GRID1: variants seen among roughly 807,000 people sequenced by gnomAD.
GRID1 encodes the protein glutamate receptor ionotropic, delta-1.
A neutral mutation model predicts 98.0 loss-of-function variants in GRID1; 28 were observed. The ratio of observed to expected loss-of-function variants is 0.29; its 90% CI spans 0.21 to 0.39. GRID1 has a LOEUF of 0.39. Ranked by LOEUF, GRID1 falls within the 10% of genes least tolerant of loss-of-function variation. The pLI is 1.00. For synonymous variants in GRID1, 553 were observed against 538.5 expected, an observed-to-expected ratio of 1.03 and a Z score of -0.37; for missense variants, 1,111 against 1,340.5, an observed-to-expected ratio of 0.83 and a Z score of 2.67.
intron 8 of GRID1, among the ~76,000 whole-genome samples, chr10:85,734,280 C>T (rs1841855852): frequency 6.6e-6 from 1 of 152,026 alleles, no homozygotes; most frequent in Non-Finnish European, 1.5e-5. Flanking sequence ...AGCTGAGGCC[C>T]AGATCCATGA....
intron 8 of GRID1, among the ~76,000 whole-genome samples, chr10:85,775,316 G>A (rs1415313492): frequency 1.3e-5 from 2 of 148,682 alleles, no homozygotes; most frequent in Non-Finnish European, 3.0e-5. Flanking sequence ...TCACACTGTG[G>A]GGACTGTTGT....
At chr10:85,664,555 AGCCAAAATT>A (rs1415897330) in intron 12 of GRID1, among the ~76,000 whole-genome samples, 1 of 152,208 alleles carries the variant, frequency 6.6e-6, no homozygotes, top group African/African-American at 2.4e-5. Context: ...TCAACGTACC[AGCCAAAATT>A]AGCTGTGCTT....
At chr10:85,958,996 A>T (rs986841585) in intron 4 of GRID1, among the ~76,000 whole-genome samples, 4 of 151,868 alleles carry the variant, frequency 2.6e-5, no homozygotes, top group African/African-American at 7.3e-5. Context: ...AAAGAAAAAG[A>T]AAAAGAAGCT....
intron 2 of GRID1, among the ~76,000 whole-genome samples, chr10:86,225,964 C>A (rs574727752): frequency 2.0e-5 from 3 of 152,236 alleles, no homozygotes; most frequent in African/African-American, 7.2e-5. Flanking sequence ...CTGGGGGCCT[C>A]ATGGGGACCC....
intron 2 of GRID1, among the ~76,000 whole-genome samples, chr10:86,226,344 C>A (rs1481264296): frequency 1.6e-5 from 2 of 128,080 alleles, no homozygotes; most frequent in Non-Finnish European, 3.3e-5. Flanking sequence ...AGCATACCCT[C>A]CCACCCCAGC....
rs777172734 is a variant in GRID1 at position 85,724,697 on chromosome 10, A to G, written c.1534-21T>C. 4 of 1,590,064 alleles carry G rather than the reference A, an allele frequency of 2.5e-6. No homozygotes were observed. The East Asian group carries it at 6.7e-5, about 27-fold the overall frequency. On this transcript the variant is annotated intron_variant, in intron 10 of 15. Coordinates refer to ENST00000327946, the MANE Select transcript of GRID1 (RefSeq NM_017551.3). ...GCTCTCTGAAAGGCAAAGCCATCTC[A>G]TTTAGACGGCAGTCCTCAGCTTACT...
At chr10:86,060,534 G>A (rs1843634494) in intron 4 of GRID1, among the ~76,000 whole-genome samples, 3 of 152,152 alleles carry the variant, frequency 2.0e-5, no homozygotes, top group South Asian at 2.1e-4. Context: ...GCAGCTCAGG[G>A]GCACAGGCAC....
chr10:85,639,387 AG>A (rs1192954883), intron 13 of GRID1, among the ~76,000 whole-genome samples: 7 of 152,240 alleles, frequency 4.6e-5, no homozygotes, highest in Non-Finnish European at 1.0e-4. Flanking sequence ...GTGTGGTGCT[AG>A]AAATCTGCAA....
intron 2 of GRID1, among the ~76,000 whole-genome samples, chr10:86,236,654 G>A (rs1290995885): frequency 1.3e-5 from 2 of 152,154 alleles, no homozygotes; most frequent in African/African-American, 4.8e-5. Context: ...ACACAGCAAA[G>A]TGCAATATCA....
intron 4 of GRID1, among the ~76,000 whole-genome samples, chr10:86,086,682 G>A (rs747777554): frequency 2.6e-5 from 4 of 152,158 alleles, no homozygotes; most frequent in Admixed American, 6.5e-5. Flanking sequence ...GTGTCCATGT[G>A]TGTGCATGGG....
At position 86,247,225 on chromosome 10, in the gene GRID1, A is replaced by G. The variant is rs144306945; in HGVS notation, c.236-40577T>C. Among the ~76,000 whole-genome samples, 339 of 150,846 alleles carry G rather than the reference A, an allele frequency of 2.2e-3. 2 individuals are homozygous for G. Among genetic ancestry groups the G allele is most frequent in the African/African-American group, 7.8e-3 (318 of 40,728 alleles). ...GGTAGATGAATAGATGGGTAAGTAG[A>G]TGGAAGGACAGAGGGATGGACAGAT... is the stretch of plus-strand genomic sequence containing the variant. On this transcript the variant is annotated intron_variant, in intron 2 of 15. Coordinates refer to ENST00000327946, the MANE Select transcript of GRID1 (RefSeq NM_017551.3).
At chr10:86,265,951 C>G (rs909497525) in intron 2 of GRID1, among the ~76,000 whole-genome samples, 2 of 152,134 alleles carry the variant, frequency 1.3e-5, no homozygotes, top group African/African-American at 4.8e-5. Flanking sequence ...CCCCTTGCCA[C>G]CCATGCCCAC....
At chr10:86,335,442 T>C (rs1848208933) in intron 2 of GRID1, among the ~76,000 whole-genome samples, 1 of 152,250 alleles carries the variant, frequency 6.6e-6, no homozygotes, top group African/African-American at 2.4e-5. Context: ...GCAGGACTTC[T>C]CAGAGCCTTA....
chr10:85,857,339 A>T (rs2131782794), intron 6 of GRID1, among the ~76,000 whole-genome samples: 1 of 152,266 alleles, frequency 6.6e-6, no homozygotes, highest in Non-Finnish European at 1.5e-5. Flanking sequence ...GGCCCAACCC[A>T]TGTGTGGGGT....
intron 4 of GRID1, among the ~76,000 whole-genome samples, chr10:86,034,568 A>C (rs994842916): frequency 1.3e-5 from 2 of 151,942 alleles, no homozygotes; most frequent in African/African-American, 4.8e-5. Flanking sequence ...TTCCAAAGCA[A>C]ACATTCTTTC....
intron 4 of GRID1, among the ~76,000 whole-genome samples, chr10:86,109,983 T>C (rs1844453361): frequency 6.6e-6 from 1 of 151,610 alleles, no homozygotes; most frequent in African/African-American, 2.4e-5. Context: ...TTTTTTTTTT[T>C]TTTTTTTGAG....
chr10:85,764,264 G>A (rs973506416), intron 8 of GRID1, among the ~76,000 whole-genome samples: 1 of 152,148 alleles, frequency 6.6e-6, no homozygotes, highest in Admixed American at 6.5e-5. Flanking sequence ...CAAAGTGATG[G>A]TTCTCAAAGG....
Position 85,780,464 on chromosome 10 carries a change from G to A in GRID1, c.1234-50850C>T, listed in dbSNP as rs937976314. ...TCCTGCACCACGGGGCAGAAGTCCTGTTTCTCCTAATTACTATTCTGTGAC... is the reference window on the plus strand; with the variant it reads ...TCCTGCACCACGGGGCAGAAGTCCTATTTCTCCTAATTACTATTCTGTGAC... On this transcript the variant is annotated intron_variant, in intron 8 of 15. Transcript: ENST00000327946. 1.2e-4 allele frequency among the ~76,000 whole-genome samples: 18 copies of A among 152,314 alleles called. 1 individual carries two copies. The highest frequency in any genetic ancestry group is 6.8e-3 in the Middle Eastern group (2 of 294).
At chr10:86,152,026 C>T (rs575800285) in intron 3 of GRID1, among the ~76,000 whole-genome samples, 55 of 152,340 alleles carry the variant, frequency 3.6e-4, no homozygotes, top group African/African-American at 1.1e-3. Context: ...CAACAGGAAA[C>T]AGACAAGAAA....
Sources: gnomAD v4.1 joint callset for allele counts (sites outside exome capture counted in the v4.1 genomes callset) on GRCh38, gnomAD v4.1.1 for gene constraint, MANE v1.5 for transcripts, NCBI Gene and HGNC (gene_info 2026-07-23, HGNC 2026-07-21) for gene names.